Variants in FUT8 observed in about 807,000 individuals in gnomAD.
FUT8 encodes the protein alpha-(1,6)-fucosyltransferase.
Under a neutral mutation model 71.3 loss-of-function variants are expected in FUT8, and 29 were observed. The ratio of observed to expected loss-of-function variants is 0.41; its 90% CI spans 0.30 to 0.55. The LOEUF (loss-of-function observed/expected upper bound fraction) is 0.55, where lower values mean the gene tolerates loss of function less well. Among genes scored for constraint, FUT8 ranks in the 20% least tolerant of loss-of-function variants. FUT8 has a pLI of 0.34. For missense variants in FUT8, 544 were observed against 702.1 expected, an observed-to-expected ratio of 0.77 and a Z score of 2.55; for synonymous variants, 254 against 239.3, an observed-to-expected ratio of 1.06 and a Z score of -0.57.
At chr14:65,411,764 T>TGGGG (rs1418051342), upstream of FUT8, 1 of 332,248 alleles carries the variant, frequency 3.0e-6, no homozygotes, top group Non-Finnish European at 5.9e-6. Context: ...GGGAAGAGTT[T>TGGGG]GGAACGGGAA....
At chr14:65,692,915 C>G (rs1468888434) in intron 7 of FUT8, among the ~76,000 whole-genome samples, 1 of 151,146 alleles carries the variant, frequency 6.6e-6, no homozygotes, top group Non-Finnish European at 1.5e-5. Flanking sequence ...GATGGGCGGC[C>G]GGGCAGAGAC....
chr14:65,523,994 T>A (rs1203132406), intron 2 of FUT8, among the ~76,000 whole-genome samples: 33 of 152,246 alleles, frequency 2.2e-4, no homozygotes, highest in Admixed American at 9.2e-4. Flanking sequence ...TATAGTTTGA[T>A]GTCAGGTAGT....
intron 1 of FUT8, among the ~76,000 whole-genome samples, chr14:65,441,540 A>G (rs1314534734): frequency 6.6e-6 from 1 of 152,002 alleles, no homozygotes; most frequent in Admixed American, 6.6e-5. Context: ...TGGGAGTTCA[A>G]GACCAGCCTG....
intron 6 of FUT8, among the ~76,000 whole-genome samples, chr14:65,651,366 T>TA (rs1158973660): frequency 1.3e-5 from 2 of 152,154 alleles, no homozygotes; most frequent in African/African-American, 2.4e-5. Flanking sequence ...AGAACAACAC[T>TA]AAAAAGACCC....
At chr14:65,695,669 C>CT (rs200045132) in intron 7 of FUT8, among the ~76,000 whole-genome samples, 16 of 148,036 alleles carry the variant, frequency 1.1e-4, no homozygotes, top group South Asian at 2.1e-4. Context: ...AGTTGGTCTT[C>CT]TTTTTTTTTT....
intron 9 of FUT8, among the ~76,000 whole-genome samples, chr14:65,725,627 G>C (rs575252054): frequency 6.6e-6 from 1 of 152,294 alleles, no homozygotes; most frequent in South Asian, 2.1e-4. Flanking sequence ...CTGTTGTAGT[G>C]TTTAGCACTT....
At chr14:65,723,519 T>C (rs1260723700) in intron 8 of FUT8, among the ~76,000 whole-genome samples, 2 of 152,104 alleles carry the variant, frequency 1.3e-5, no homozygotes, top group Non-Finnish European at 2.9e-5. Context: ...AGAAAGGAAA[T>C]GCATTATGCC....
chr14:65,707,108 C>G (rs1464480578), intron 7 of FUT8, among the ~76,000 whole-genome samples: 1 of 152,174 alleles, frequency 6.6e-6, no homozygotes, highest in Non-Finnish European at 1.5e-5. Context: ...AATGGCTGAA[C>G]TAATTTACAT....
At chr14:65,692,383 C>A (rs1158949162) in intron 7 of FUT8, among the ~76,000 whole-genome samples, 2 of 109,668 alleles carry the variant, frequency 1.8e-5, no homozygotes, top group African/African-American at 6.7e-5. Context: ...CCCTCCCGGA[C>A]GGGGCGGCTG....
intron 2 of FUT8, among the ~76,000 whole-genome samples, chr14:65,459,882 TAATAA>T (rs893944458): frequency 7.9e-5 from 12 of 152,108 alleles, no homozygotes; most frequent in African/African-American, 2.7e-4. Flanking sequence ...AGTTAAAGAA[TAATAA>T]AATAAAAATA....
chr14:65,458,721 C>T (rs770369654), intron 2 of FUT8, among the ~76,000 whole-genome samples: 1 of 151,402 alleles, frequency 6.6e-6, no homozygotes, highest in Non-Finnish European at 1.5e-5. Flanking sequence ...GATACGTGGC[C>T]TGCTGTATTG....
the FUT8 span, among the ~76,000 whole-genome samples, chr14:65,377,319 C>G: frequency 2.0e-5 from 3 of 152,120 alleles, no homozygotes; most frequent in Non-Finnish European, 4.4e-5. Context: ...AGTCCATATT[C>G]TGCTCCAGGA....
At chr14:65,452,869 G>A (rs1481686523) in intron 1 of FUT8, among the ~76,000 whole-genome samples, 1 of 152,074 alleles carries the variant, frequency 6.6e-6, no homozygotes, top group African/African-American at 2.4e-5. Context: ...GGTCTTTTTT[G>A]TCTGTGTCTT....
intron 7 of FUT8, among the ~76,000 whole-genome samples, chr14:65,693,093 C>G (rs911449926): frequency 1.3e-5 from 2 of 151,956 alleles, no homozygotes; most frequent in African/African-American, 4.8e-5. Flanking sequence ...CTCCTCACTT[C>G]CCAGACGGGG....
intron 1 of FUT8, among the ~76,000 whole-genome samples, chr14:65,439,954 G>GTGTGTACGTATATATATATATATA: frequency 2.7e-5 from 2 of 74,984 alleles, no homozygotes; most frequent in Non-Finnish European, 5.0e-5. Flanking sequence ...GTGTGTGTGT[G>GTGTGTACGTATATATATATATATA]TATATATATA....
At chr14:65,735,053 C>A (rs1896156014) in intron 10 of FUT8, among the ~76,000 whole-genome samples, 1 of 152,134 alleles carries the variant, frequency 6.6e-6, no homozygotes, top group African/African-American at 2.4e-5. Flanking sequence ...TCACAAGATT[C>A]TAAAGTTAAA....
chr14:65,527,196 A>G (rs1373295303), intron 2 of FUT8, among the ~76,000 whole-genome samples: 1 of 152,222 alleles, frequency 6.6e-6, no homozygotes, highest in Non-Finnish European at 1.5e-5. Context: ...ACTTTCAGGT[A>G]TGCCAATCAG....
chr14:65,622,860 C>T (rs1372667044), intron 5 of FUT8, among the ~76,000 whole-genome samples: 1 of 150,998 alleles, frequency 6.6e-6, no homozygotes, highest in Non-Finnish European at 1.5e-5. Context: ...ATTCCTTCAC[C>T]TTCTTGCCTG....
At chr14:65,624,997 C>T (rs1028040073) in intron 5 of FUT8, among the ~76,000 whole-genome samples, 2 of 151,870 alleles carry the variant, frequency 1.3e-5, no homozygotes, top group African/African-American at 2.4e-5. Flanking sequence ...ACCTGGGAGG[C>T]GGAGGTTGCA....
Sources: allele counts gnomAD v4.1 joint callset (sites outside exome capture counted in the v4.1 genomes callset), GRCh38; gene constraint gnomAD v4.1.1; transcripts MANE v1.5; gene names NCBI Gene and HGNC (gene_info 2026-07-23, HGNC 2026-07-21).